The following CSMD3 variants were observed in gnomAD, a reference collection of about 807,000 sequenced individuals.
CSMD3 encodes the protein CUB and sushi domain-containing protein 3.
A neutral mutation model predicts 435.2 loss-of-function variants in CSMD3; 177 were observed. That is an observed-to-expected ratio of 0.41 (90% CI 0.36 to 0.46). The LOEUF (loss-of-function observed/expected upper bound fraction) is 0.46, where lower values mean the gene tolerates loss of function less well. Among genes scored for constraint, CSMD3 ranks in the 20% least tolerant of loss-of-function variants. The pLI is 0.34. For missense variants in CSMD3, 4,265 were observed against 4,504.6 expected, an observed-to-expected ratio of 0.95 and a Z score of 1.52; for synonymous variants, 1,656 against 1,520.5, an observed-to-expected ratio of 1.09 and a Z score of -2.07.
chr8:112,613,392 T>C (rs1359759723), intron 22 of CSMD3, among the ~76,000 whole-genome samples: 1 of 152,198 alleles, frequency 6.6e-6, no homozygotes, highest in East Asian at 1.9e-4. Flanking sequence ...ATATGGAGTT[T>C]TATTTTATAT....
chr8:113,183,083 C>A (rs912660170), intron 3 of CSMD3, among the ~76,000 whole-genome samples: 2 of 152,034 alleles, frequency 1.3e-5, no homozygotes, highest in Admixed American at 6.6e-5. Flanking sequence ...ACTGCCCTGG[C>A]AGACCCTGGT....
chr8:113,322,790 G>A (rs1450439405), intron 1 of CSMD3, among the ~76,000 whole-genome samples: 1 of 152,068 alleles, frequency 6.6e-6, no homozygotes, highest in African/African-American at 2.4e-5. Flanking sequence ...TTTGTGCCCA[G>A]ACTGGAGTGC....
At chr8:112,693,524 C>T (rs1391196073) in intron 13 of CSMD3, among the ~76,000 whole-genome samples, 1 of 151,966 alleles carries the variant, frequency 6.6e-6, no homozygotes. Flanking sequence ...AATATGATAT[C>T]AAATTGATTT....
chr8:113,073,966 A>G (rs545372991), intron 5 of CSMD3, among the ~76,000 whole-genome samples: 8 of 151,884 alleles, frequency 5.3e-5, no homozygotes, highest in African/African-American at 1.9e-4. Flanking sequence ...TATATTGCGT[A>G]CATGTCTCTC....
intron 7 of CSMD3, among the ~76,000 whole-genome samples, chr8:112,965,834 T>C (rs534086957): frequency 1.6e-4 from 24 of 152,064 alleles, no homozygotes; most frequent in African/African-American, 5.5e-4. Context: ...ATGTATTTAC[T>C]GTCATGAATG....
chr8:112,281,029 C>G (rs1179051509), intron 59 of CSMD3, 145 bp downstream of exon 59: 4 of 660,900 alleles, frequency 6.1e-6, no homozygotes, highest in Non-Finnish European at 1.0e-5. Flanking sequence ...GCCATGGTAA[C>G]TACTATAATC....
chr8:113,317,150 C>T (rs940395053), intron 1 of CSMD3, among the ~76,000 whole-genome samples: 1 of 151,848 alleles, frequency 6.6e-6, no homozygotes, highest in Non-Finnish European at 1.5e-5. Context: ...GCTCATGCAC[C>T]AAAAGTCAAA....
At position 112,292,525 on chromosome 8, in the gene CSMD3, T is replaced by C. The variant is rs1262198913; in HGVS notation, c.8788+12A>G. ...ATCATGCCACCAAATGGGAATATACTTAGACATTTACCTTTGCACATAGGT... is the reference window on the plus strand; with the variant it reads ...ATCATGCCACCAAATGGGAATATACCTAGACATTTACCTTTGCACATAGGT... On this transcript the variant is annotated intron_variant, in intron 55 of 70. Coordinates refer to ENST00000297405, the MANE Select transcript of CSMD3 (RefSeq NM_198123.2). The C allele has an allele frequency of 2.7e-5, 44 of 1,613,106 alleles. No individual in the cohort carries two copies. Among genetic ancestry groups the C allele is most frequent in the Non-Finnish European group, 3.6e-5 (43 of 1,179,114 alleles).
chr8:112,689,607 T>A (rs2076088045), intron 14 of CSMD3, among the ~76,000 whole-genome samples: 1 of 152,036 alleles, frequency 6.6e-6, no homozygotes, highest in Non-Finnish European at 1.5e-5. Context: ...CTAGAAAGTA[T>A]AAAATGTCAT....
intron 12 of CSMD3, among the ~76,000 whole-genome samples, chr8:112,818,805 A>T (rs1303449423): frequency 6.6e-6 from 1 of 152,160 alleles, no homozygotes; most frequent in Non-Finnish European, 1.5e-5. Flanking sequence ...CCAGACAACA[A>T]CATGATAAAT....
chr8:113,396,644 G>T (rs2094484853), intron 1 of CSMD3, among the ~76,000 whole-genome samples: 1 of 152,038 alleles, frequency 6.6e-6, no homozygotes, highest in African/African-American at 2.4e-5. Flanking sequence ...TTATATCTCA[G>T]TACTTTTGAG....
intron 18 of CSMD3, 34 bp from the exon 19 acceptor site, chr8:112,650,383 C>G (rs1301238972): frequency 6.5e-7 from 1 of 1,549,002 alleles, no homozygotes; most frequent in Non-Finnish European, 8.9e-7. Context: ...AAAGAGTAAG[C>G]TTGGTGGGAT....
chr8:113,272,627 G>GT (rs1445789912), intron 3 of CSMD3, among the ~76,000 whole-genome samples: 3 of 152,144 alleles, frequency 2.0e-5, no homozygotes, highest in African/African-American at 4.8e-5. Context: ...TGGAACAACT[G>GT]TAAGTCCAAT....
At chr8:112,411,278 A>G (rs1488023537) in intron 32 of CSMD3, among the ~76,000 whole-genome samples, 1 of 151,868 alleles carries the variant, frequency 6.6e-6, no homozygotes. Context: ...TAAGTATAGA[A>G]AACTGTAGGG....
rs528903610 is a variant in CSMD3 at position 112,337,330 on chromosome 8, T to A, written c.6841+213A>T. On this transcript the variant is annotated intron_variant, in intron 43 of 70. Coordinates refer to ENST00000297405, the MANE Select transcript of CSMD3 (RefSeq NM_198123.2). ...GAAAAGCTCTAAAGTGTGAATCAAC[T>A]ATTTTTTCACTCCCAATAGGAAAGG... 3.1e-4 allele frequency among the ~76,000 whole-genome samples: 47 copies of A among 152,278 alleles called. 1 individual carries two copies. In the South Asian group the frequency reaches 9.7e-3, roughly 32 times the overall value.
chr8:112,944,364 T>C (rs112546723), intron 9 of CSMD3, among the ~76,000 whole-genome samples: 3,002 of 151,776 alleles, frequency 0.02, 99 homozygotes, highest in African/African-American at 0.067. Context: ...CCATTTATTT[T>C]CTCCTACAAA....
chr8:112,978,036 C>G (rs1292805890), intron 6 of CSMD3, among the ~76,000 whole-genome samples: 1 of 151,982 alleles, frequency 6.6e-6, no homozygotes, highest in African/African-American at 2.4e-5. Context: ...AAACCTGATC[C>G]ATATTGTCCT....
At chr8:113,187,052 A>G (rs1481306444) in intron 3 of CSMD3, among the ~76,000 whole-genome samples, 2 of 152,026 alleles carry the variant, frequency 1.3e-5, no homozygotes, top group East Asian at 1.9e-4. Flanking sequence ...TATCAGTTAT[A>G]TACAATATTT....
At chr8:112,488,082 C>T (rs1451717699) in intron 31 of CSMD3, among the ~76,000 whole-genome samples, 1 of 152,124 alleles carries the variant, frequency 6.6e-6, no homozygotes, top group Admixed American at 6.5e-5. Context: ...AGTTTCTCAT[C>T]ACTGAACAGG....
Sources: allele counts gnomAD v4.1 joint callset (sites outside exome capture counted in the v4.1 genomes callset), GRCh38; gene constraint gnomAD v4.1.1; transcripts MANE v1.5; gene names NCBI Gene and HGNC (gene_info 2026-07-23, HGNC 2026-07-21).